Variants in LRRC37A2 observed in about 807,000 individuals in gnomAD.
LRRC37A2 encodes leucine-rich repeat-containing protein 37A2.
In LRRC37A2, 9 loss-of-function variants were observed where a neutral mutation model predicts 68.8. The observed-to-expected ratio is 0.13, with a 90% confidence interval of 0.08 to 0.23. The LOEUF (loss-of-function observed/expected upper bound fraction) is 0.23, where lower values mean the gene tolerates loss of function less well. Ranked by LOEUF, LRRC37A2 falls within the 10% of genes least tolerant of loss-of-function variation. The pLI, the probability that LRRC37A2 is intolerant of heterozygous loss-of-function variation, is 1.00. For synonymous variants in LRRC37A2, 63 were observed against 367.6 expected (o/e 0.17, Z 9.48); for missense variants, 168 against 950.4 (o/e 0.18, Z 10.82).
chr17:46,952,235 A>G, the LRRC37A2 span, among the ~76,000 whole-genome samples: 247 of 152,112 alleles, frequency 1.6e-3, 2 homozygotes, highest in Admixed American at 0.016. Flanking sequence ...GTGCCACGGG[A>G]CTCAGCGAGG....
the LRRC37A2 span, among the ~76,000 whole-genome samples, chr17:47,003,074 C>T: frequency 4.0e-5 from 6 of 151,656 alleles, no homozygotes; most frequent in East Asian, 1.2e-3. Flanking sequence ...CCCCGACCCC[C>T]CCAACTTCTA....
At chr17:47,037,981 C>A in the LRRC37A2 span, among the ~76,000 whole-genome samples, 2 of 150,518 alleles carry the variant, frequency 1.3e-5, no homozygotes, top group Non-Finnish European at 3.0e-5. Flanking sequence ...ATAGTAATGT[C>A]CCCTCTCATT....
chr17:46,892,833 T>G, the LRRC37A2 span, among the ~76,000 whole-genome samples: 1 of 152,216 alleles, frequency 6.6e-6, no homozygotes, highest in Admixed American at 6.5e-5. Context: ...GATCATCAAA[T>G]ATACATAAAA....
intron 8 of LRRC37A2, among the ~76,000 whole-genome samples, chr17:46,544,727 G>A (rs1391629652): frequency 1.1e-5 from 1 of 93,320 alleles, no homozygotes; most frequent in Non-Finnish European, 2.0e-5. Context: ...TTATCTCTCT[G>A]AAAGTGCCCC....
the LRRC37A2 span, chr17:46,721,832 T>C: frequency 6.3e-7 from 1 of 1,596,234 alleles, no homozygotes; most frequent in Non-Finnish European, 8.6e-7. Context: ...CTTTTGCTTA[T>C]TTTTTGTACG....
At chr17:46,602,431 T>C in the LRRC37A2 span, 8 of 24,194 alleles carry the variant, frequency 3.3e-4, no homozygotes, top group South Asian at 3.5e-3. Flanking sequence ...GGTCTTTTGC[T>C]AAATTCAGAA....
the LRRC37A2 span, among the ~76,000 whole-genome samples, chr17:46,392,468 TCTTTC>T: frequency 6.3e-5 from 4 of 63,354 alleles, 1 homozygote; most frequent in African/African-American, 2.1e-4. Context: ...TTTCTTTCTT[TCTTTC>T]CTTTCTTTCT....
chr17:46,753,729 TAGAG>T, the LRRC37A2 span, among the ~76,000 whole-genome samples: 1 of 152,184 alleles, frequency 6.6e-6, no homozygotes, highest in Non-Finnish European at 1.5e-5. Flanking sequence ...GCATGTGGGA[TAGAG>T]AGTGAGAGTG....
At chr17:46,857,587 T>C in the LRRC37A2 span, among the ~76,000 whole-genome samples, 17 of 152,320 alleles carry the variant, frequency 1.1e-4, no homozygotes, top group African/African-American at 3.8e-4. Context: ...TATGTTTTCA[T>C]TTCTCTTGGA....
chr17:46,751,677 G>A, the LRRC37A2 span: 1 of 954,236 alleles, frequency 1.0e-6, no homozygotes, highest in Non-Finnish European at 1.6e-6. Context: ...ACACCAAGAG[G>A]GTTCAGTATT....
chr17:46,995,364 T>C, the LRRC37A2 span, among the ~76,000 whole-genome samples: 1 of 152,230 alleles, frequency 6.6e-6, no homozygotes, highest in South Asian at 2.1e-4. Context: ...TAGAGGTATG[T>C]TCTCTTGTTC....
At chr17:46,982,738 G>T in the LRRC37A2 span, among the ~76,000 whole-genome samples, 1 of 152,198 alleles carries the variant, frequency 6.6e-6, no homozygotes, top group Non-Finnish European at 1.5e-5. Flanking sequence ...GGAGCAGGAA[G>T]GGGGAGAGAG....
chr17:46,985,078 C>T, the LRRC37A2 span, among the ~76,000 whole-genome samples: 2 of 152,312 alleles, frequency 1.3e-5, no homozygotes, highest in Middle Eastern at 6.8e-3. Flanking sequence ...AATGATCTCA[C>T]GTTTCAAATT....
the LRRC37A2 span, among the ~76,000 whole-genome samples, chr17:46,866,132 G>A: frequency 6.6e-6 from 1 of 152,278 alleles, no homozygotes; most frequent in Middle Eastern, 3.4e-3. Flanking sequence ...GGAAGGTAGA[G>A]GGGAGGGTGT....
the LRRC37A2 span, among the ~76,000 whole-genome samples, chr17:46,894,887 C>T: frequency 6.6e-6 from 1 of 152,380 alleles, no homozygotes; most frequent in East Asian, 1.9e-4. Flanking sequence ...GGCCTGCCCA[C>T]AGCCAATTCC....
At chr17:46,778,120 G>A in the LRRC37A2 span, among the ~76,000 whole-genome samples, 52 of 152,206 alleles carry the variant, frequency 3.4e-4, no homozygotes, top group Non-Finnish European at 6.5e-4. Context: ...CTATGGTTAC[G>A]GTGTGTGTGG....
intron 12 of LRRC37A2, chr17:46,554,358 C>T (rs1385354646): frequency 2.9e-5 from 2 of 69,546 alleles, no homozygotes; most frequent in African/African-American, 2.4e-4. Context: ...GCCCAGGAGG[C>T]GCAGGTTGCA....
chr17:47,005,042 C>A, the LRRC37A2 span, among the ~76,000 whole-genome samples: 1 of 152,166 alleles, frequency 6.6e-6, no homozygotes, highest in Non-Finnish European at 1.5e-5. Flanking sequence ...ACCCAAGGTC[C>A]ATAGGAAGTG....
the LRRC37A2 span, among the ~76,000 whole-genome samples, chr17:46,728,655 A>AT: frequency 1.3e-5 from 2 of 150,676 alleles, no homozygotes; most frequent in Non-Finnish European, 3.0e-5. Flanking sequence ...TATTAGAGAT[A>AT]TTTTTTCTTA....
Sources: allele counts gnomAD v4.1 joint callset (sites outside exome capture counted in the v4.1 genomes callset), GRCh38; gene constraint gnomAD v4.1.1; transcripts MANE v1.5; gene names NCBI Gene and HGNC (gene_info 2026-07-23, HGNC 2026-07-21).